Variants in MN1 observed in about 807,000 individuals in gnomAD.
The protein encoded by MN1 is MN1 proto-oncogene, transcriptional regulator, also known as transcriptional activator MN1.
Under a neutral mutation model 86.9 loss-of-function variants are expected in MN1, and 19 were observed. That is an observed-to-expected ratio of 0.22 (90% CI 0.15 to 0.32). MN1 has a LOEUF of 0.32. Among genes scored for constraint, MN1 ranks in the 10% least tolerant of loss-of-function variants. The probability of loss-of-function intolerance (pLI) is 1.00; values close to 1 mark genes in which losing one functional copy is unlikely to be tolerated. For synonymous variants in MN1, 928 were observed against 849.6 expected (o/e 1.09, Z -1.60); for missense variants, 1,841 against 1,862.0 (o/e 0.99, Z 0.21).
At chr22:27,788,137 G>A (rs1933161481) in intron 1 of MN1, among the ~76,000 whole-genome samples, 1 of 152,144 alleles carries the variant, frequency 6.6e-6, no homozygotes, top group Admixed American at 6.5e-5. Context: ...AACCCCAAGA[G>A]TCAGTAAACG....
Position 27,800,292 on chromosome 22 carries a change from T to C in MN1, c.252A>G (p.Gln84=). Residue 84 remains glutamine, a synonymous_variant, in exon 1 of 2, where the codon CAA becomes CAG. Coordinates refer to ENST00000302326, the MANE Select transcript of MN1 (RefSeq NM_002430.3). The stretch of plus-strand genomic sequence containing the variant: ...CAAAGAAGCCGTGCACAGGCTGCGC[T>C]TGCAGCCCCCCTGCGTGCAACTCCG... ...GHSELHAGGL[Q]AQPVHGFFGG... 1.3e-6 allele frequency: 2 copies of C among 1,577,060 alleles called. No homozygotes were observed. Among genetic ancestry groups the C allele is most frequent in the Non-Finnish European group, 1.7e-6 (2 of 1,161,860 alleles).
chr22:27,761,013 G>A (rs1932831001), intron 1 of MN1, among the ~76,000 whole-genome samples: 1 of 152,066 alleles, frequency 6.6e-6, no homozygotes, highest in African/African-American at 2.4e-5. Context: ...ACAGGCGCAG[G>A]GTCACACAGC....
At chr22:27,788,503 G>T (rs1335879484) in intron 1 of MN1, among the ~76,000 whole-genome samples, 2 of 151,990 alleles carry the variant, frequency 1.3e-5, no homozygotes, top group Non-Finnish European at 1.5e-5. Flanking sequence ...TCATAAGATG[G>T]TCCCTCAGAA....
intron 1 of MN1, among the ~76,000 whole-genome samples, chr22:27,774,899 C>T (rs1471247025): frequency 3.3e-5 from 5 of 152,118 alleles, no homozygotes; most frequent in Non-Finnish European, 7.4e-5. Context: ...CCAGCTATAC[C>T]CCCTCCTGAG....
At position 27,799,341 on chromosome 22, in the gene MN1, G is replaced by A; in HGVS notation, c.1203C>T (p.Pro401=). 6.3e-7 allele frequency: 1 copy of A among 1,587,664 alleles called. No homozygotes were observed. The highest frequency in any genetic ancestry group is 1.1e-5 in the South Asian group (1 of 88,274). The part of the protein sequence containing the change: ...GGLQDGGPML[P]SQHAQFEYPI... ...GATACTCGAATTGCGCGTGCTGGCT[G>A]GGCAGCATGGGGCCTCCGTCCTGCA... Residue 401 remains proline, a synonymous_variant, in exon 1 of 2, where the codon CCC becomes CCT. Coordinates refer to ENST00000302326, the MANE Select transcript of MN1 (RefSeq NM_002430.3).
intron 1 of MN1, among the ~76,000 whole-genome samples, chr22:27,792,953 G>A (rs989657274): frequency 1.3e-5 from 2 of 152,104 alleles, no homozygotes; most frequent in African/African-American, 4.8e-5. Context: ...GCCTGCCTAG[G>A]ATTGCTCAGT....
intron 1 of MN1, among the ~76,000 whole-genome samples, chr22:27,765,714 C>T (rs1411135530): frequency 6.6e-6 from 1 of 152,180 alleles, no homozygotes; most frequent in East Asian, 1.9e-4. Flanking sequence ...AGGTTCTCTC[C>T]ACAGCACTAT....
At position 27,797,145 on chromosome 22, in the gene MN1, C is replaced by T. The variant is rs545480570; in HGVS notation, c.3399G>A (p.Glu1133=). The T allele has an allele frequency of 6.9e-5, 108 of 1,570,610 alleles. 2 individuals carry two copies. The South Asian group carries it at 1.2e-3, about 18-fold the overall frequency. ...GPGHPGTPGL[E]QVRTPTSSSG... is the part of the protein sequence containing the mutation. ...TGCTGCTCGTCGGGGTGCGGACCTG[C>T]TCCAGGCCCGGAGTGCCCGGATGGC... The change falls in exon 1 of 2, where the codon GAG becomes GAA. Residue 1133 remains glutamate (E), a synonymous_variant. Coordinates refer to ENST00000302326, the MANE Select transcript of MN1 (RefSeq NM_002430.3).
At chr22:27,759,842 T>C (rs1014279838) in intron 1 of MN1, among the ~76,000 whole-genome samples, 8 of 152,226 alleles carry the variant, frequency 5.3e-5, no homozygotes, top group Non-Finnish European at 7.3e-5. Context: ...TGGGCCTAAC[T>C]GGCCCTCTCT....
rs1932749288 is a variant in MN1 at position 27,750,040 on chromosome 22, C to G, written c.*875G>C. On this transcript the variant is annotated 3_prime_UTR_variant, in exon 2 of 2. Transcript: ENST00000302326. ...CCCATGCAGACCAAAGGCTGCTTAG[C>G]ACAGCGTGAAAATGCAGGGCCTGGG... 8.6e-6 allele frequency: 2 copies of G among 232,292 alleles called. No individual in the cohort carries two copies. The highest frequency in any genetic ancestry group is 1.7e-5 in the Non-Finnish European group (2 of 117,410). 14.4% of individuals were successfully genotyped at this position (232,292 alleles called of 1,614,324 possible).
chr22:27,784,209 A>C (rs945189190), intron 1 of MN1, among the ~76,000 whole-genome samples: 1 of 152,326 alleles, frequency 6.6e-6, no homozygotes, highest in Non-Finnish European at 1.5e-5. Context: ...AGGGGATCAC[A>C]GGCACTCCCA....
chr22:27,800,251 T>C lies in MN1; in HGVS notation c.293A>G (p.His98Arg). 3 of 1,584,206 alleles carry C rather than the reference T, an allele frequency of 1.9e-6. No homozygotes were observed. The highest frequency in any genetic ancestry group is 2.6e-6 in the Non-Finnish European group (3 of 1,166,098). Residue 98 changes from histidine (H) to arginine (R), a missense_variant, in exon 1 of 2, where the codon CAC becomes CGC. Transcript: ENST00000302326. ...ATGATGACTTCCCGGGTGGCCGTGGTGAGGCTGCTGGCCGCCAAAGAAGCC... is the reference window on the plus strand; with the variant it reads ...ATGATGACTTCCCGGGTGGCCGTGGCGAGGCTGCTGGCCGCCAAAGAAGCC... Reference protein sequence around the residue: ...VHGFFGGQQPHHGHPGSHHPH... With the variant: ...VHGFFGGQQPRHGHPGSHHPH...
intron 1 of MN1, among the ~76,000 whole-genome samples, chr22:27,776,717 T>C (rs1402284071): frequency 1.3e-5 from 2 of 151,990 alleles, no homozygotes; most frequent in Admixed American, 1.3e-4. Context: ...GGAATATAAA[T>C]TGGAAGCATA....
intron 1 of MN1, among the ~76,000 whole-genome samples, chr22:27,767,848 T>C (rs1021258374): frequency 2.6e-5 from 4 of 152,134 alleles, no homozygotes; most frequent in Admixed American, 2.0e-4. Flanking sequence ...GGGTAATTTT[T>C]TCCCAGGGAA....
intron 1 of MN1, among the ~76,000 whole-genome samples, chr22:27,764,427 GTT>G (rs2146298103): frequency 1.3e-5 from 2 of 152,310 alleles, no homozygotes; most frequent in Admixed American, 1.3e-4. Flanking sequence ...ATCCAGCTTA[GTT>G]CCTCATTCCA....
rs550735353 is a variant in MN1, at chr22:27,800,665, G to A, written c.-122C>T. On this transcript the variant is annotated 5_prime_UTR_variant, in exon 1 of 2. Coordinates refer to ENST00000302326, the MANE Select transcript of MN1 (RefSeq NM_002430.3). ...CTCCGGGACGCTCAGCACCGCGGGG[G>A]CTCAGCGCGCACCTCCACCCCGCCT... 2.1e-6 allele frequency: 3 copies of A among 1,425,884 alleles called. No individual in the cohort carries two copies. The highest frequency in any genetic ancestry group is 2.8e-6 in the Non-Finnish European group (3 of 1,055,336). The allele number at this position is 1,425,884 out of a possible 1,614,324, so 88.3% of individuals were successfully genotyped here.
chr22:27,751,537 A>G (rs764700004), intron 1 of MN1, among the ~76,000 whole-genome samples: 3 of 152,184 alleles, frequency 2.0e-5, no homozygotes, highest in Non-Finnish European at 4.4e-5. Context: ...GGTCCAGAAC[A>G]CAGCCTGTTT....
chr22:27,765,799 T>C (rs1932865328), intron 1 of MN1, among the ~76,000 whole-genome samples: 1 of 152,186 alleles, frequency 6.6e-6, no homozygotes, highest in Admixed American at 6.5e-5. Flanking sequence ...AGAGGCTGTG[T>C]CTTCTTACCC....
chr22:27,762,745 C>T (rs1932842848), intron 1 of MN1, among the ~76,000 whole-genome samples: 1 of 151,868 alleles, frequency 6.6e-6, no homozygotes, highest in Non-Finnish European at 1.5e-5. Flanking sequence ...TAGCACTCTG[C>T]CTGGCAAGTG....
Sources: gnomAD v4.1 joint callset for allele counts (sites outside exome capture counted in the v4.1 genomes callset) on GRCh38, gnomAD v4.1.1 for gene constraint, MANE v1.5 for transcripts, NCBI Gene and HGNC (gene_info 2026-07-23, HGNC 2026-07-21) for gene names.